AMOTL1: variants seen among roughly 807,000 people sequenced by gnomAD.
AMOTL1 encodes the protein angiomotin like 1, also known as angiomotin-like protein 1.
A neutral mutation model predicts 102.9 loss-of-function variants in AMOTL1; 45 were observed. That is an observed-to-expected ratio of 0.44 (90% CI 0.34 to 0.56). AMOTL1 has a LOEUF of 0.56. AMOTL1 is among the 20% of genes least tolerant of loss of function. AMOTL1 has a pLI of 0.01. For missense variants in AMOTL1, 1,114 were observed against 1,225.6 expected, an observed-to-expected ratio of 0.91 and a Z score of 1.36; for synonymous variants, 481 against 484.7, an observed-to-expected ratio of 0.99 and a Z score of 0.10.
At chr11:94,803,533 A>C (rs1951516502) in intron 3 of AMOTL1, among the ~76,000 whole-genome samples, 1 of 152,284 alleles carries the variant, frequency 6.6e-6, no homozygotes, top group South Asian at 2.1e-4. Context: ...GAAAGTGTAA[A>C]TGGATAAGAA....
intron 1 of AMOTL1, among the ~76,000 whole-genome samples, chr11:94,719,039 T>A (rs1332868631): frequency 6.6e-6 from 1 of 152,022 alleles, no homozygotes; most frequent in African/African-American, 2.4e-5. Context: ...AATTTTTATA[T>A]GCTGTGAATA....
intron 1 of AMOTL1, among the ~76,000 whole-genome samples, chr11:94,725,962 A>G (rs538591630): frequency 1.8e-4 from 27 of 152,314 alleles, no homozygotes; most frequent in African/African-American, 5.3e-4. Context: ...GAGGAAATGA[A>G]GACCAGGGAC....
intron 5 of AMOTL1, among the ~76,000 whole-genome samples, chr11:94,830,602 C>G (rs1952050451): frequency 1.3e-5 from 2 of 152,222 alleles, no homozygotes; most frequent in Non-Finnish European, 2.9e-5. Flanking sequence ...CAGCACTTAA[C>G]TATTGCTAGG....
chr11:94,708,445 C>T (rs766146099), intron 1 of AMOTL1, among the ~76,000 whole-genome samples: 2 of 152,188 alleles, frequency 1.3e-5, no homozygotes, highest in Admixed American at 1.3e-4. Flanking sequence ...AGCTTCTCCA[C>T]CTCCCGGTAT....
rs147543471 is a variant in AMOTL1 at position 94,732,386 on chromosome 11, G to A, written c.85+3331G>A. On this transcript the variant is annotated intron_variant, in intron 2 of 4. Coordinates refer to the AMOTL1 transcript ENST00000299004. ...TTCCAGGAAGCTAGCTGTGAACCCA[G>A]GATGTTTGGGGGTGATAAGGAGTTT... 8.1e-4 allele frequency among the ~76,000 whole-genome samples: 124 copies of A among 152,250 alleles called. 1 individual carries two copies. The highest frequency in any genetic ancestry group is 2.9e-3 in the African/African-American group (120 of 41,530).
intron 3 of AMOTL1, among the ~76,000 whole-genome samples, chr11:94,744,638 C>T (rs1950568790): frequency 6.6e-6 from 1 of 151,864 alleles, no homozygotes; most frequent in Non-Finnish European, 1.5e-5. Flanking sequence ...CTTTTTTTTT[C>T]CTCAATGTAA....
intron 6 of AMOTL1, 34 bp downstream of exon 6, chr11:94,831,575 G>T (rs1952072863): frequency 6.3e-6 from 10 of 1,579,578 alleles, no homozygotes; most frequent in Middle Eastern, 1.7e-4. Flanking sequence ...CCCAAAGTTT[G>T]TTTGTTTAAA....
intron 1 of AMOTL1, among the ~76,000 whole-genome samples, chr11:94,787,687 CAAAAAAAAAAAAAAAAAAAAAAAAAAAA>C (rs59563004): frequency 1.7e-5 from 1 of 57,528 alleles, no homozygotes; most frequent in Admixed American, 2.7e-4. Flanking sequence ...AACTCCGTCT[CAAAAAAAAAAAAAAAAAAAAAAAAAAAA>C]AAAAAAAAAA....
upstream of AMOTL1, chr11:94,768,273 G>C (rs1565344410): frequency 2.4e-6 from 3 of 1,235,130 alleles, no homozygotes; most frequent in African/African-American, 4.8e-5. Context: ...CACGGCGGGG[G>C]TGGAGTGTAG....
rs1950886862 is a variant in AMOTL1, at chr11:94,768,437, G to T, written c.-75G>T. 6.5e-7 allele frequency: 1 copy of T among 1,545,534 alleles called. No homozygotes were observed. The highest frequency in any genetic ancestry group is 2.0e-5 in the Admixed American group (1 of 50,836). ...AAGCCCTGTGTGAATGGGGTTGATT[G>T]TCCGGCGCCACTTCCCCGCGCTGCC... On this transcript the variant is annotated 5_prime_UTR_variant, in exon 1 of 13. Transcript: ENST00000433060.
At position 94,796,091 on chromosome 11, in the gene AMOTL1, G is replaced by A. The variant is rs547556951; in HGVS notation, c.199+931G>A. Among the ~76,000 whole-genome samples, 5 of 152,262 alleles carry A rather than the reference G, an allele frequency of 3.3e-5. 1 individual carries two copies. The South Asian group carries it at 1.0e-3, about 32-fold the overall frequency. On this transcript the variant is annotated intron_variant, in intron 2 of 12. Transcript: ENST00000433060. The stretch of plus-strand genomic sequence containing the variant: ...ATTCATGTTGTGTAGAGTTTTAATA[G>A]TTTGTTTTTATTGTTTAAAATTTTT...
intron 3 of AMOTL1, among the ~76,000 whole-genome samples, chr11:94,753,211 A>G (rs999244205): frequency 1.3e-5 from 2 of 151,828 alleles, no homozygotes; most frequent in Non-Finnish European, 2.9e-5. Context: ...GCGGGTGATT[A>G]GGATCAAAAG....
chr11:94,806,968 A>T (rs1021115811), intron 3 of AMOTL1, among the ~76,000 whole-genome samples: 1 of 152,206 alleles, frequency 6.6e-6, no homozygotes, highest in Admixed American at 6.5e-5. Flanking sequence ...AGCAAATTGC[A>T]TAAGTTCTCA....
At chr11:94,727,464 C>T (rs1403088634) in intron 1 of AMOTL1, among the ~76,000 whole-genome samples, 1 of 152,148 alleles carries the variant, frequency 6.6e-6, no homozygotes, top group Non-Finnish European at 1.5e-5. Context: ...AATCAGCCAC[C>T]TCTTGTGTGC....
chr11:94,765,711 C>A (rs1398770395), upstream of AMOTL1, among the ~76,000 whole-genome samples: 1 of 152,148 alleles, frequency 6.6e-6, no homozygotes, highest in African/African-American at 2.4e-5. Context: ...ATAGAAGGAC[C>A]CACTTCTTAA....
At chr11:94,845,794 A>G in intron 6 of AMOTL1, among the ~76,000 whole-genome samples, 1 of 152,236 alleles carries the variant, frequency 6.6e-6, no homozygotes, top group East Asian at 1.9e-4. Context: ...AAATGGGACC[A>G]GAGCCATCAA....
chr11:94,865,760 T>C (rs1224099856), intron 10 of AMOTL1, among the ~76,000 whole-genome samples, 182 bp from the exon 11 acceptor site: 1 of 152,186 alleles, frequency 6.6e-6, no homozygotes, highest in African/African-American at 2.4e-5. Context: ...GTGTACTCTT[T>C]TGACATATGA....
At chr11:94,763,123 C>G (rs1465544688) in intron 3 of AMOTL1, among the ~76,000 whole-genome samples, 1 of 152,210 alleles carries the variant, frequency 6.6e-6, no homozygotes, top group Admixed American at 6.5e-5. Flanking sequence ...GGAGCAGTTT[C>G]TTCATCCACA....
intron 3 of AMOTL1, among the ~76,000 whole-genome samples, chr11:94,814,176 A>C (rs1591993265): frequency 6.6e-6 from 1 of 152,278 alleles, no homozygotes; most frequent in Admixed American, 6.5e-5. Context: ...AAGGAAAACC[A>C]AGGAGAGAGG....
Sources: gnomAD v4.1 joint callset for allele counts (sites outside exome capture counted in the v4.1 genomes callset) on GRCh38, gnomAD v4.1.1 for gene constraint, MANE v1.5 for transcripts, NCBI Gene and HGNC (gene_info 2026-07-23, HGNC 2026-07-21) for gene names.